Variants in CEP290 observed in about 807,000 individuals in gnomAD.
CEP290 encodes centrosomal protein of 290 kDa.
A neutral mutation model predicts 344.9 loss-of-function variants in CEP290; 317 were observed. That is an observed-to-expected ratio of 0.92 (90% CI 0.84 to 1.01). CEP290 has a LOEUF of 1.01. Ranked by LOEUF, CEP290 falls within the 50% of genes least tolerant of loss-of-function variation. The probability of loss-of-function intolerance (pLI) is 0.00; values close to 1 mark genes in which losing one functional copy is unlikely to be tolerated. For synonymous variants in CEP290, 932 were observed against 895.8 expected (o/e 1.04, Z -0.72); for missense variants, 2,754 against 2,761.4 (o/e 1.00, Z 0.06).
rs1466311097 is a variant in CEP290, at chr12:88,090,760, C to G, written c.3541G>C (p.Glu1181Gln). The change falls in exon 30 of 54, where the codon GAG becomes CAG. Residue 1181 changes from glutamate (E) to glutamine (Q), a missense_variant. Transcript: ENST00000552810. Reference protein sequence around the residue: ...AQQQSRDKEVESLRMQLLDYQ... With the variant: ...AQQQSRDKEVQSLRMQLLDYQ... ...TCTAGCAGTTGCATTCTGAGGGACT[C>G]TACTTCCTTGTCCCTAGATTGTTGT... is the stretch of plus-strand genomic sequence containing the variant. 1.3e-6 allele frequency: 2 copies of G among 1,561,658 alleles called. No homozygotes were observed. Among genetic ancestry groups the G allele is most frequent in the South Asian group, 2.4e-5 (2 of 84,820 alleles).
intron 25 of CEP290, chr12:88,103,229 T>G (rs2038032863): frequency 3.3e-6 from 1 of 302,484 alleles, no homozygotes; most frequent in African/African-American, 2.2e-5. Flanking sequence ...AATAAAATAC[T>G]TTAATAACTC....
chr12:88,136,826 T>C (rs761323935), intron 5 of CEP290, 40 bp from the exon 6 acceptor site: 1 of 1,584,556 alleles, frequency 6.3e-7, no homozygotes, highest in Non-Finnish European at 8.6e-7. Flanking sequence ...AATCCCATTA[T>C]ATTTTGAGGT....
chr12:88,079,585 T>A (rs1329424396), intron 38 of CEP290, among the ~76,000 whole-genome samples: 1 of 152,134 alleles, frequency 6.6e-6, no homozygotes, highest in Admixed American at 6.6e-5. Flanking sequence ...ATTAATTGAA[T>A]TTAGGTAGAC....
chr12:88,115,537 CT>C, intron 18 of CEP290: 1 of 1,292,776 alleles, frequency 7.7e-7, no homozygotes, highest in Non-Finnish European at 1.0e-6. Flanking sequence ...CACTCTGCTT[CT>C]TTGATCAAGA....
intron 18 of CEP290, chr12:88,115,535 T>C: frequency 7.7e-7 from 1 of 1,293,238 alleles, no homozygotes; most frequent in Non-Finnish European, 1.0e-6. Flanking sequence ...TACACTCTGC[T>C]TCTTTGATCA....
intron 38 of CEP290, 119 bp from the exon 39 acceptor site, chr12:88,079,348 G>T: frequency 1.4e-6 from 1 of 731,516 alleles, no homozygotes; most frequent in Non-Finnish European, 2.1e-6. Context: ...AAAATATTAT[G>T]AGTTTAATGG....
rs547955106 is a variant in CEP290, at chr12:88,080,163, A to G, written c.5226+19T>C. ...CACATATTTTTCCTAAATGTTGATA[A>G]TTTTCTGTTGTTACTTACTTTCTGT... is the stretch of plus-strand genomic sequence containing the variant. On this transcript the variant is annotated intron_variant, in intron 38 of 53. Transcript: ENST00000552810. 233 of 1,525,172 alleles carry G rather than the reference A, an allele frequency of 1.5e-4. 2 individuals carry two copies. In the South Asian group the frequency reaches 2.7e-3, roughly 18 times the overall value. The allele number at this position is 1,525,172 out of a possible 1,614,324, so 94.5% of individuals were successfully genotyped here.
rs779569679 is a variant in CEP290 at position 88,093,923 on chromosome 12, A to C, written c.3156T>G (p.Ile1052Met). The C allele has an allele frequency of 3.7e-6, 6 of 1,612,566 alleles. No homozygotes were observed. The highest frequency in any genetic ancestry group is 5.1e-6 in the Non-Finnish European group (6 of 1,179,378). The change falls in exon 28 of 54, where the codon ATT becomes ATG. Residue 1052 changes from isoleucine to methionine, a missense_variant. Ile to Met is a conservative substitution (Grantham distance 10). Coordinates refer to ENST00000552810, the MANE Select transcript of CEP290 (RefSeq NM_025114.4). The stretch of plus-strand genomic sequence containing the variant: ...TAGTTATTTTTTTTGAAATGGAAAC[A>C]ATGTCACTGTTGGTTATTGATTTCT... ...KAKKSITNSD[I>M]VSISKKITML...
rs1037857245 is a variant in CEP290 at position 88,090,683 on chromosome 12, G to A, written c.3573+45C>T. The stretch of plus-strand genomic sequence containing the variant: ...ACTCCCAACATCTAATGTAAATTTA[G>A]GGAAAAAAGTGGATTCTATGTAGAA... On this transcript the variant is annotated intron_variant, in intron 30 of 53. Transcript: ENST00000552810. 2.6e-5 allele frequency: 30 copies of A among 1,157,318 alleles called. No homozygotes were observed. In the Admixed American group the frequency reaches 5.8e-4, roughly 22 times the overall value. 71.7% of individuals were successfully genotyped at this position (1,157,318 alleles called of 1,614,324 possible).
At chr12:88,079,303 AAT>A in intron 38 of CEP290, 74 bp from the exon 39 acceptor site, 1 of 1,190,548 alleles carries the variant, frequency 8.4e-7, no homozygotes, top group Non-Finnish European at 1.1e-6. Context: ...TGATATAAAA[AAT>A]AAACAAGCTT....
At position 88,096,870 on chromosome 12, in the gene CEP290, CAG is replaced by C. The variant is rs2037469771; in HGVS notation, c.3103+16_3103+17del. The C allele has an allele frequency of 8.5e-7, 1 of 1,180,756 alleles. No individual in the cohort carries two copies. The highest frequency in any genetic ancestry group is 1.2e-6 in the Non-Finnish European group (1 of 827,258). 73.1% of individuals were successfully genotyped at this position (1,180,756 alleles called of 1,614,324 possible). On this transcript the variant is annotated intron_variant, in intron 27 of 53. Coordinates refer to ENST00000552810, the MANE Select transcript of CEP290 (RefSeq NM_025114.4). ...TTAGATGTTAATCATTTTATATTAT[CAG>C]AGTCATAAAACTTACCTAATTTAGT...
In CEP290 at chr12:88,141,931, C is replaced by G. The variant is rs917192337; in HGVS notation, c.-59G>C. On this transcript the variant is annotated 5_prime_UTR_variant, in exon 1 of 54. Transcript: ENST00000552810. ...CAAGCCTGGCAACCAGCGGAGGCCT[C>G]TCACTACCGCAACCACCAAGCTGGA... 6.6e-6 allele frequency: 1 copy of G among 152,642 alleles called. No individual in the cohort carries two copies. The highest frequency in any genetic ancestry group is 2.4e-5 in the African/African-American group (1 of 41,450). The allele number at this position is 152,642 out of a possible 1,614,324, so 9.5% of individuals were successfully genotyped here.
Position 88,058,839 on chromosome 12 carries a change from T to A in CEP290, c.6818+9A>T. The A allele has an allele frequency of 6.2e-7, 1 of 1,612,368 alleles. No homozygotes were observed. The highest frequency in any genetic ancestry group is 1.1e-5 in the South Asian group (1 of 90,562). On this transcript the variant is annotated intron_variant, in intron 49 of 53. Transcript: ENST00000552810. ...TAAACTTTGTACAAGTTTAAAACTC[T>A]GTTCCTACCTTGTAACCACAATGGA...
intron 32 of CEP290, among the ~76,000 whole-genome samples, chr12:88,087,496 G>A (rs1477551034): frequency 1.3e-5 from 2 of 151,782 alleles, no homozygotes; most frequent in Non-Finnish European, 2.9e-5. Context: ...CGAGGCGGGC[G>A]GATCATGAGG....
Position 88,126,425 on chromosome 12 carries a change from GA to G in CEP290, c.955del (p.Ser319LeufsTer16), listed in dbSNP as rs764507012. The G allele has an allele frequency of 4.0e-6, 6 of 1,501,066 alleles. No individual in the cohort carries two copies. Among genetic ancestry groups the G allele is most frequent in the South Asian group, 2.8e-5 (2 of 71,400 alleles). The allele number at this position is 1,501,066 out of a possible 1,614,324, so 93.0% of individuals were successfully genotyped here. On this transcript the variant is annotated frameshift_variant, in exon 12 of 54. Transcript: ENST00000552810. LOFTEE classifies it high-confidence loss of function. ...ATACTCAATAATTTCATCATCTTTA[GA>G]AGACAAAATTAGCTAGAAATAAACA... ...KVEEWKLILSSKDDEIIEYQQ... is the reference protein window; with the variant it reads ...KVEEWKLILSXKDDEIIEYQQ...
intron 15 of CEP290, among the ~76,000 whole-genome samples, chr12:88,119,509 T>C (rs2039272518): frequency 1.3e-5 from 2 of 152,114 alleles, no homozygotes; most frequent in South Asian, 4.1e-4. Flanking sequence ...CTTTAAAAGA[T>C]TTTAACAGGC....
chr12:88,108,209 A>T (rs2038429456), intron 23 of CEP290, among the ~76,000 whole-genome samples: 1 of 152,204 alleles, frequency 6.6e-6, no homozygotes, highest in East Asian at 1.9e-4. Context: ...GCATAAACCC[A>T]GTATAGCGGT....
intron 39 of CEP290, 40 bp from the exon 40 acceptor site, chr12:88,077,958 A>C (rs1224653177): frequency 3.6e-6 from 3 of 839,322 alleles, no homozygotes; most frequent in African/African-American, 3.6e-5. Flanking sequence ...ATGACTCTTC[A>C]AGAAGTATCA....
intron 26 of CEP290, among the ~76,000 whole-genome samples, chr12:88,099,792 T>C (rs1182325102): frequency 6.6e-6 from 1 of 152,120 alleles, no homozygotes; most frequent in African/African-American, 2.4e-5. Context: ...TATCTTTCTA[T>C]CCATTTTTTT....
Sources: gnomAD v4.1 joint callset for allele counts (sites outside exome capture counted in the v4.1 genomes callset) on GRCh38, gnomAD v4.1.1 for gene constraint, MANE v1.5 for transcripts, NCBI Gene and HGNC (gene_info 2026-07-23, HGNC 2026-07-21) for gene names.